The following GNA14 variants were observed in gnomAD, a reference collection of about 807,000 sequenced individuals.
The protein encoded by GNA14 is guanine nucleotide-binding protein subunit alpha-14.
Under a neutral mutation model 42.0 loss-of-function variants are expected in GNA14, and 50 were observed. The observed-to-expected ratio is 1.19, with a 90% CI of 0.95 to 1.51. GNA14 has a LOEUF of 1.51. Ranked by LOEUF, GNA14 falls within the 40% of genes most tolerant of loss-of-function variation. The pLI, the probability that GNA14 is intolerant of heterozygous loss-of-function variation, is 0.00. For synonymous variants in GNA14, 173 were observed against 163.1 expected (o/e 1.06, Z -0.46); for missense variants, 473 against 446.2 (o/e 1.06, Z -0.54).
At chr9:77,581,716 C>T (rs1369122080) in intron 1 of GNA14, among the ~76,000 whole-genome samples, 1 of 152,182 alleles carries the variant, frequency 6.6e-6, no homozygotes, top group African/African-American at 2.4e-5. Flanking sequence ...TTGGCCCAGT[C>T]ACAGAATCCT....
chr9:77,564,118 C>G (rs543948915), intron 1 of GNA14, among the ~76,000 whole-genome samples: 1 of 152,192 alleles, frequency 6.6e-6, no homozygotes, highest in East Asian at 1.9e-4. Flanking sequence ...TCCACCGGAT[C>G]CTTATCAAAT....
intron 1 of GNA14, among the ~76,000 whole-genome samples, chr9:77,566,487 TG>T (rs1318476937): frequency 6.6e-6 from 1 of 152,162 alleles, no homozygotes; most frequent in East Asian, 1.9e-4. Context: ...TCTTAAGTCA[TG>T]GAATTGCCTG....
intron 1 of GNA14, among the ~76,000 whole-genome samples, chr9:77,608,092 G>T (rs1823667957): frequency 6.6e-6 from 1 of 152,172 alleles, no homozygotes; most frequent in South Asian, 2.1e-4. Flanking sequence ...CGGCCCCAGA[G>T]CCAAGGGCAT....
intron 2 of GNA14, among the ~76,000 whole-genome samples, chr9:77,527,920 C>T (rs930126776): frequency 6.6e-6 from 1 of 152,208 alleles, no homozygotes; most frequent in African/African-American, 2.4e-5. Context: ...CAGGCATAAG[C>T]CACCGTGCCC....
At chr9:77,424,909 G>C (rs1183662656) in intron 6 of GNA14, among the ~76,000 whole-genome samples, 1 of 152,134 alleles carries the variant, frequency 6.6e-6, no homozygotes, top group Non-Finnish European at 1.5e-5. Context: ...GCTAAAACAT[G>C]AATCCACTAA....
intron 1 of GNA14, among the ~76,000 whole-genome samples, chr9:77,603,237 G>T (rs1823595521): frequency 6.6e-6 from 1 of 152,134 alleles, no homozygotes; most frequent in Non-Finnish European, 1.5e-5. Flanking sequence ...TAGCCATTGT[G>T]ATAGCTTTTG....
intron 1 of GNA14, among the ~76,000 whole-genome samples, chr9:77,600,684 G>C (rs941279480): frequency 6.6e-6 from 1 of 152,186 alleles, no homozygotes; most frequent in African/African-American, 2.4e-5. Flanking sequence ...TTGGGAGGCC[G>C]ATGTGGTTGG....
intron 1 of GNA14, among the ~76,000 whole-genome samples, chr9:77,608,107 C>G (rs952493929): frequency 1.3e-5 from 2 of 152,172 alleles, no homozygotes; most frequent in African/African-American, 4.8e-5. Context: ...GGGCATGATG[C>G]TGCTACCTTA....
chr9:77,519,625 A>G (rs1837318647), intron 2 of GNA14, among the ~76,000 whole-genome samples: 1 of 152,170 alleles, frequency 6.6e-6, no homozygotes, highest in East Asian at 1.9e-4. Context: ...AGAGTATGAA[A>G]TAAGAGACAC....
chr9:77,624,720 G>C (rs779939881), intron 1 of GNA14, among the ~76,000 whole-genome samples: 3 of 152,238 alleles, frequency 2.0e-5, no homozygotes, highest in Middle Eastern at 3.4e-3. Context: ...GAAAGGAATA[G>C]CATGTCCACT....
chr9:77,439,240 G>C lies in GNA14; in HGVS notation c.310-4718C>G, dbSNP rs190726141. Among the ~76,000 whole-genome samples the C allele has an allele frequency of 9.6e-4, 146 of 152,144 alleles. 1 individual carries two copies. Among genetic ancestry groups the C allele is most frequent in the Non-Finnish European group, 1.7e-3 (118 of 68,038 alleles). On this transcript the variant is annotated intron_variant, in intron 2 of 6. Coordinates refer to ENST00000341700, the MANE Select transcript of GNA14 (RefSeq NM_004297.4). ...TATTAGGAAGGACAGGGAGGAATGA[G>C]GAAGGGAGTACCCTGTTACCTTTAT...
chr9:77,470,577 T>C (rs536312798), intron 2 of GNA14, among the ~76,000 whole-genome samples: 84 of 152,320 alleles, frequency 5.5e-4, no homozygotes, highest in African/African-American at 1.9e-3. Context: ...CTATGAAAGC[T>C]ATAGCTAAAG....
At chr9:77,489,767 T>TG (rs1031764276) in intron 2 of GNA14, among the ~76,000 whole-genome samples, 1 of 152,072 alleles carries the variant, frequency 6.6e-6, no homozygotes, top group Admixed American at 6.6e-5. Flanking sequence ...GTGGTCTCGC[T>TG]GGGCTCAGGA....
At chr9:77,524,628 C>G (rs1451145078) in intron 2 of GNA14, among the ~76,000 whole-genome samples, 2 of 152,200 alleles carry the variant, frequency 1.3e-5, no homozygotes, top group Admixed American at 6.5e-5. Context: ...TAAACCATCA[C>G]TGAATACGAC....
chr9:77,603,815 A>G (rs557493184), intron 1 of GNA14, among the ~76,000 whole-genome samples: 1 of 151,768 alleles, frequency 6.6e-6, no homozygotes, highest in East Asian at 1.9e-4. Context: ...AATACAAAAA[A>G]TAATTAGCCA....
chr9:77,465,783 G>A (rs10869927), intron 2 of GNA14, among the ~76,000 whole-genome samples: 2 of 152,092 alleles, frequency 1.3e-5, no homozygotes, highest in African/African-American at 4.8e-5. Context: ...TTGTTAAAAT[G>A]TTTTATACAG....
chr9:77,599,510 A>C (rs1283543692), intron 1 of GNA14, among the ~76,000 whole-genome samples: 1 of 152,220 alleles, frequency 6.6e-6, no homozygotes, highest in Non-Finnish European at 1.5e-5. Flanking sequence ...ACCTTTTTCC[A>C]GTTCCCACAA....
chr9:77,463,384 G>A (rs893308723), intron 2 of GNA14, among the ~76,000 whole-genome samples: 1 of 151,774 alleles, frequency 6.6e-6, no homozygotes, highest in African/African-American at 2.4e-5. Context: ...ATCAGTGGAT[G>A]TCACTTAAAA....
chr9:77,610,590 CAT>C (rs1388555211), intron 1 of GNA14, among the ~76,000 whole-genome samples: 2 of 152,102 alleles, frequency 1.3e-5, no homozygotes, highest in Non-Finnish European at 2.9e-5. Flanking sequence ...AGAGTTTTAA[CAT>C]ATAAATTTTA....
Sources: gnomAD v4.1 joint callset for allele counts (sites outside exome capture counted in the v4.1 genomes callset) on GRCh38, gnomAD v4.1.1 for gene constraint, MANE v1.5 for transcripts, NCBI Gene and HGNC (gene_info 2026-07-23, HGNC 2026-07-21) for gene names.